The following RABGAP1L variants were observed in gnomAD, a reference collection of about 807,000 sequenced individuals.
RABGAP1L encodes the protein RAB GTPase activating protein 1 like, also known as rab GTPase-activating protein 1-like.
In RABGAP1L, 63 loss-of-function variants were observed where a neutral mutation model predicts 137.7. The ratio of observed to expected loss-of-function variants is 0.46; its 90% CI spans 0.37 to 0.56. The LOEUF is 0.56. RABGAP1L is among the 20% of genes least tolerant of loss of function. RABGAP1L has a pLI of 0.00. For synonymous variants in RABGAP1L, 431 were observed against 433.7 expected, an observed-to-expected ratio of 0.99 and a Z score of 0.08; for missense variants, 1,095 against 1,244.0, an observed-to-expected ratio of 0.88 and a Z score of 1.80.
chr1:174,621,181 C>G (rs1266369095), intron 13 of RABGAP1L, among the ~76,000 whole-genome samples: 1 of 152,106 alleles, frequency 6.6e-6, no homozygotes, highest in African/African-American at 2.4e-5. Flanking sequence ...GAACTACAAA[C>G]CACTGCTCAA....
At chr1:174,514,454 A>C (rs1460493670) in intron 13 of RABGAP1L, among the ~76,000 whole-genome samples, 1 of 152,114 alleles carries the variant, frequency 6.6e-6, no homozygotes, top group Non-Finnish European at 1.5e-5. Flanking sequence ...AGACCATGAG[A>C]TAGAGGAGGG....
chr1:174,846,529 GA>G (rs1049401889), intron 19 of RABGAP1L, among the ~76,000 whole-genome samples: 4 of 107,390 alleles, frequency 3.7e-5, no homozygotes, highest in African/African-American at 1.1e-4. Flanking sequence ...CCATGTAGTT[GA>G]GTGGCTTTGA....
chr1:174,171,866 T>C (rs1412696118), intron 1 of RABGAP1L, among the ~76,000 whole-genome samples: 2 of 152,162 alleles, frequency 1.3e-5, no homozygotes, highest in East Asian at 1.9e-4. Context: ...CCAGGCATGG[T>C]GGCATGTGCC....
At chr1:174,245,486 T>G (rs1476315083) in intron 5 of RABGAP1L, 1 of 152,208 alleles carries the variant, frequency 6.6e-6, no homozygotes, top group Non-Finnish European at 1.5e-5. Context: ...AATTGATTTT[T>G]ATGATTTTAA....
chr1:174,362,560 T>C (rs1684239573), intron 11 of RABGAP1L, among the ~76,000 whole-genome samples: 1 of 152,242 alleles, frequency 6.6e-6, no homozygotes, highest in South Asian at 2.1e-4. Flanking sequence ...CATTGATTCT[T>C]GGCCCCATGT....
intron 1 of RABGAP1L, among the ~76,000 whole-genome samples, chr1:174,190,963 G>C (rs1030649028): frequency 2.6e-5 from 4 of 152,138 alleles, no homozygotes; most frequent in African/African-American, 9.7e-5. Flanking sequence ...ATGGAAGAAC[G>C]GCTAGTTGGT....
chr1:174,262,669 A>G (rs1299415224), intron 7 of RABGAP1L, among the ~76,000 whole-genome samples: 1 of 152,186 alleles, frequency 6.6e-6, no homozygotes, highest in Admixed American at 6.5e-5. Flanking sequence ...TATAATATAA[A>G]CATTTAATTT....
intron 17 of RABGAP1L, among the ~76,000 whole-genome samples, chr1:174,703,698 T>A (rs1679838537): frequency 6.6e-6 from 1 of 152,218 alleles, no homozygotes; most frequent in Admixed American, 6.5e-5. Context: ...TAATTTACAT[T>A]CTCACCAGCA....
intron 19 of RABGAP1L, among the ~76,000 whole-genome samples, chr1:174,927,289 AC>A (rs1275402447): frequency 6.6e-6 from 1 of 152,202 alleles, no homozygotes; most frequent in Non-Finnish European, 1.5e-5. Context: ...TTACTTTTGC[AC>A]CAACCTAGTA....
At chr1:174,455,330 C>A (rs1358479960) in intron 13 of RABGAP1L, among the ~76,000 whole-genome samples, 1 of 152,092 alleles carries the variant, frequency 6.6e-6, no homozygotes, top group Non-Finnish European at 1.5e-5. Flanking sequence ...AAACATTTGA[C>A]CCCAGTTTTA....
chr1:174,404,208 G>A (rs1379068883), intron 13 of RABGAP1L, among the ~76,000 whole-genome samples: 3 of 152,158 alleles, frequency 2.0e-5, no homozygotes, highest in Non-Finnish European at 2.9e-5. Flanking sequence ...AGAAGAGATC[G>A]TGACAGCTCT....
At chr1:174,867,977 T>C (rs926966497) in intron 19 of RABGAP1L, among the ~76,000 whole-genome samples, 2 of 150,378 alleles carry the variant, frequency 1.3e-5, no homozygotes, top group Non-Finnish European at 3.0e-5. Context: ...CTTAAACTCT[T>C]TTTTTTTTGA....
At chr1:174,342,273 TAATGATAAACCAAATGCAATAG>T (rs1263372645) in intron 11 of RABGAP1L, among the ~76,000 whole-genome samples, 2 of 152,186 alleles carry the variant, frequency 1.3e-5, no homozygotes, top group Non-Finnish European at 2.9e-5. Context: ...TGTTGTTGAC[TAATGATAAACCAAATGCAATAG>T]AAAATCCCCA....
chr1:174,635,490 T>C (rs144607823), intron 13 of RABGAP1L, among the ~76,000 whole-genome samples: 1 of 152,336 alleles, frequency 6.6e-6, no homozygotes, highest in East Asian at 1.9e-4. Context: ...AAATGTTTCA[T>C]AATATATCAC....
intron 19 of RABGAP1L, chr1:174,875,537 T>C (rs1276411880): frequency 2.0e-6 from 2 of 985,398 alleles, no homozygotes; most frequent in South Asian, 4.7e-5. Context: ...TATTCAGATA[T>C]CCATGTGTGG....
chr1:174,606,595 T>C (rs1381805905), intron 13 of RABGAP1L, among the ~76,000 whole-genome samples: 1 of 152,234 alleles, frequency 6.6e-6, no homozygotes, highest in Non-Finnish European at 1.5e-5. Flanking sequence ...ATTTATTCAC[T>C]AGCGGGAATC....
At chr1:174,234,808 T>G (rs1198827748) in intron 4 of RABGAP1L, among the ~76,000 whole-genome samples, 2 of 148,486 alleles carry the variant, frequency 1.3e-5, no homozygotes, top group African/African-American at 2.5e-5. Flanking sequence ...GTGAAGAAAG[T>G]CATTGGTAGC....
intron 1 of RABGAP1L, among the ~76,000 whole-genome samples, chr1:174,197,590 A>G (rs975831041): frequency 2.0e-5 from 3 of 152,016 alleles, no homozygotes; most frequent in African/African-American, 7.2e-5. Context: ...TCTTGTTTTT[A>G]AAATATCTGT....
intron 19 of RABGAP1L, among the ~76,000 whole-genome samples, chr1:174,882,940 G>A (rs1033948442): frequency 6.6e-5 from 10 of 151,760 alleles, no homozygotes; most frequent in African/African-American, 2.2e-4. Context: ...ATTCTGCCTC[G>A]TCCTTTTGAG....
Sources: gnomAD v4.1 joint callset for allele counts (sites outside exome capture counted in the v4.1 genomes callset) on GRCh38, gnomAD v4.1.1 for gene constraint, MANE v1.5 for transcripts, NCBI Gene and HGNC (gene_info 2026-07-23, HGNC 2026-07-21) for gene names.